The following RIOK2 variants were observed in gnomAD, a reference collection of about 807,000 sequenced individuals.
RIOK2 encodes the protein RIO kinase 2, also known as serine/threonine-protein kinase RIO2.
A neutral mutation model predicts 62.4 loss-of-function variants in RIOK2; 46 were observed. The observed-to-expected ratio is 0.74, with a 90% CI of 0.58 to 0.94. The LOEUF (loss-of-function observed/expected upper bound fraction) is 0.94, where lower values mean the gene tolerates loss of function less well. Ranked by LOEUF, RIOK2 falls within the 40% of genes least tolerant of loss-of-function variation. The pLI, the probability that RIOK2 is intolerant of heterozygous loss-of-function variation, is 0.00. For synonymous variants in RIOK2, 197 were observed against 216.0 expected (o/e 0.91, Z 0.77); for missense variants, 574 against 658.0 (o/e 0.87, Z 1.40).
At chr5:97,176,625 T>G (rs891823251) in intron 4 of RIOK2, among the ~76,000 whole-genome samples, 4 of 152,204 alleles carry the variant, frequency 2.6e-5, no homozygotes, top group African/African-American at 7.2e-5. Context: ...CATGAACCAC[T>G]GCACCCAGCC....
intron 1 of RIOK2, among the ~76,000 whole-genome samples, chr5:97,180,142 G>GTATGTGTATATA (rs1350504483): frequency 1.6e-4 from 15 of 96,062 alleles, no homozygotes; most frequent in South Asian, 1.3e-3. Flanking sequence ...ATATATATAT[G>GTATGTGTATATA]TATATATATA....
chr5:97,166,375 T>A, intron 8 of RIOK2: 1 of 440,276 alleles, frequency 2.3e-6, no homozygotes, highest in Admixed American at 2.5e-5. Context: ...TACACAGCTA[T>A]ATGAAAAAGG....
At chr5:97,166,638 T>C in intron 8 of RIOK2, 1 of 521,736 alleles carries the variant, frequency 1.9e-6, no homozygotes, top group Non-Finnish European at 2.5e-6. Context: ...TGATTAATAT[T>C]TACAAAAAAA....
chr5:97,165,182 T>C (rs768485004), intron 8 of RIOK2, 35 bp from the exon 9 acceptor site: 29 of 1,102,704 alleles, frequency 2.6e-5, no homozygotes, highest in Non-Finnish European at 1.7e-5. Context: ...ATCTAGTTAA[T>C]TTGTATAATG....
chr5:97,165,208 GATTA>G (rs1748813228), intron 8 of RIOK2, 61 bp from the exon 9 acceptor site: 2 of 798,072 alleles, frequency 2.5e-6, no homozygotes, highest in South Asian at 4.2e-5. Flanking sequence ...AATCCCATTT[GATTA>G]ATTTATATTA....
chr5:97,182,918 G>C, intron 1 of RIOK2: 2 of 632,874 alleles, frequency 3.2e-6, no homozygotes, highest in Non-Finnish European at 5.7e-6. Flanking sequence ...TTAGAAGACG[G>C]GACCTTTGCT....
intron 1 of RIOK2, among the ~76,000 whole-genome samples, chr5:97,180,551 T>C (rs75792182): frequency 0.011 from 1,675 of 152,186 alleles, 40 homozygotes; most frequent in African/African-American, 0.039. Context: ...CCAAATACTT[T>C]TATATTTTAT....
chr5:97,165,048 T>G lies in RIOK2; in HGVS notation c.1494+3A>C. 6.3e-7 allele frequency: 1 copy of G among 1,583,766 alleles called. No homozygotes were observed. Among genetic ancestry groups the G allele is most frequent in the Non-Finnish European group, 8.6e-7 (1 of 1,159,526 alleles). ...ATTCAGTACATGTTGAATGACTACT[T>G]ACTGGAGGAATTGTTGAACAGCTTA... On this transcript the variant is annotated splice_donor_region_variant and intron_variant, in intron 9 of 9. Coordinates refer to ENST00000283109, the MANE Select transcript of RIOK2 (RefSeq NM_018343.3).
intron 2 of RIOK2, 138 bp from the exon 3 acceptor site, chr5:97,177,986 A>G: frequency 1.7e-6 from 1 of 588,184 alleles, no homozygotes; most frequent in East Asian, 2.8e-5. Context: ...ACAAGCTTCC[A>G]ATTTCTTCCT....
intron 2 of RIOK2, 164 bp downstream of exon 2, chr5:97,178,891 C>T (rs1749256022): frequency 1.3e-6 from 1 of 755,808 alleles, no homozygotes; most frequent in South Asian, 1.6e-5. Flanking sequence ...CTGGGTGTGC[C>T]CTGTGATTAT....
chr5:97,170,366 A>AT (rs1276330497), intron 6 of RIOK2, among the ~76,000 whole-genome samples: 1 of 152,008 alleles, frequency 6.6e-6, no homozygotes, highest in Non-Finnish European at 1.5e-5. Flanking sequence ...GTTTTATGTG[A>AT]TTTTTTTTCT....
At chr5:97,180,397 G>T (rs1266980888) in intron 1 of RIOK2, among the ~76,000 whole-genome samples, 2 of 151,758 alleles carry the variant, frequency 1.3e-5, no homozygotes, top group Non-Finnish European at 2.9e-5. Flanking sequence ...GAAAGAAAAA[G>T]ATTTGAAAAT....
chr5:97,171,620 T>A (rs1465319409), intron 5 of RIOK2, among the ~76,000 whole-genome samples: 3 of 152,196 alleles, frequency 2.0e-5, no homozygotes, highest in Non-Finnish European at 4.4e-5. Flanking sequence ...TTCTTTGATC[T>A]TTACAGCCAA....
intron 3 of RIOK2, 89 bp downstream of exon 3, chr5:97,177,643 A>G (rs1055774123): frequency 1.7e-5 from 14 of 832,658 alleles, no homozygotes; most frequent in Non-Finnish European, 2.1e-5. Context: ...TAGTTAGAAA[A>G]AAGGGAAAAT....
chr5:97,171,632 C>T (rs899375570), intron 5 of RIOK2, among the ~76,000 whole-genome samples: 2 of 152,182 alleles, frequency 1.3e-5, no homozygotes, highest in Admixed American at 1.3e-4. Context: ...TACAGCCAAA[C>T]TTGTCTACAT....
chr5:97,180,015 TAA>T (rs1749317941), intron 1 of RIOK2, among the ~76,000 whole-genome samples: 3 of 60,752 alleles, frequency 4.9e-5, no homozygotes, highest in African/African-American at 1.9e-4. Context: ...TATATATATA[TAA>T]TATATATATA....
At chr5:97,171,813 TC>T (rs1749017734) in intron 5 of RIOK2, among the ~76,000 whole-genome samples, 1 of 152,000 alleles carries the variant, frequency 6.6e-6, no homozygotes, top group Non-Finnish European at 1.5e-5. Context: ...ACATCCAGAA[TC>T]AATAATAGCA....
intron 4 of RIOK2, 142 bp from the exon 5 acceptor site, chr5:97,173,405 C>G: frequency 1.5e-6 from 1 of 647,268 alleles, no homozygotes; most frequent in Middle Eastern, 4.0e-4. Context: ...GTTATTTATG[C>G]ATAGCTTATT....
intron 8 of RIOK2, among the ~76,000 whole-genome samples, chr5:97,165,484 C>A (rs1215359421): frequency 6.6e-6 from 1 of 152,116 alleles, no homozygotes; most frequent in Non-Finnish European, 1.5e-5. Flanking sequence ...ATCTGTCTCT[C>A]CCTATCTAAA....
Sources: gnomAD v4.1 joint callset for allele counts (sites outside exome capture counted in the v4.1 genomes callset) on GRCh38, gnomAD v4.1.1 for gene constraint, MANE v1.5 for transcripts, NCBI Gene and HGNC (gene_info 2026-07-23, HGNC 2026-07-21) for gene names.